Variants in SEPTIN9 observed in about 807,000 individuals in gnomAD.
The protein encoded by SEPTIN9 is septin 9.
In SEPTIN9, 13 loss-of-function variants were observed where a neutral mutation model predicts 56.6. The observed-to-expected ratio is 0.23, with a 90% CI of 0.15 to 0.37. The LOEUF is 0.37. SEPTIN9 is among the 10% of genes least tolerant of loss of function. The pLI, the probability that SEPTIN9 is intolerant of heterozygous loss-of-function variation, is 1.00. For missense variants in SEPTIN9, 650 were observed against 823.1 expected, an observed-to-expected ratio of 0.79 and a Z score of 2.57; for synonymous variants, 332 against 334.1, an observed-to-expected ratio of 0.99 and a Z score of 0.07.
chr17:77,419,502 C>T lies in SEPTIN9; in HGVS notation c.721+16799C>T, dbSNP rs116803477. ...ATCAGCAGCAGCCACCTCAGGGGAC[C>T]CCAGCGCTGTACCTGCGACCCAGCT... On this transcript the variant is annotated intron_variant, in intron 3 of 11. Coordinates refer to ENST00000427177, the MANE Select transcript of SEPTIN9 (RefSeq NM_001113491.2). 6.4e-3 allele frequency among the ~76,000 whole-genome samples: 976 copies of T among 152,246 alleles called. 13 individuals are homozygous for T. Among genetic ancestry groups the T allele is most frequent in the African/African-American group, 0.022 (927 of 41,550 alleles).
intron 2 of SEPTIN9, among the ~76,000 whole-genome samples, chr17:77,360,973 G>A (rs1023782566): frequency 6.8e-6 from 1 of 146,366 alleles, no homozygotes; most frequent in African/African-American, 2.6e-5. Flanking sequence ...CCCCAGGCTG[G>A]AGTGCAGTGG....
chr17:77,495,511 C>T (rs559355884), intron 10 of SEPTIN9, among the ~76,000 whole-genome samples: 3 of 152,310 alleles, frequency 2.0e-5, no homozygotes, highest in Non-Finnish European at 2.9e-5. Flanking sequence ...TAATTGATCA[C>T]GCCATGAACT....
At chr17:77,455,410 T>C (rs1234707295) in intron 3 of SEPTIN9, among the ~76,000 whole-genome samples, 2 of 152,228 alleles carry the variant, frequency 1.3e-5, no homozygotes, top group African/African-American at 4.8e-5. Flanking sequence ...CCCGCCCTGC[T>C]CTGTGGGTGC....
chr17:77,315,843 G>A (rs963509614), intron 2 of SEPTIN9, among the ~76,000 whole-genome samples: 4 of 152,232 alleles, frequency 2.6e-5, no homozygotes, highest in Non-Finnish European at 1.5e-5. Flanking sequence ...TCTATGGGGG[G>A]TGAAGGACAG....
chr17:77,403,263 G>A (rs2035963822), intron 3 of SEPTIN9, among the ~76,000 whole-genome samples: 1 of 152,216 alleles, frequency 6.6e-6, no homozygotes, highest in African/African-American at 2.4e-5. Flanking sequence ...CCCCCAGGAG[G>A]GATGGTTGTG....
chr17:77,366,891 A>G (rs2034587782), intron 2 of SEPTIN9, among the ~76,000 whole-genome samples: 1 of 152,208 alleles, frequency 6.6e-6, no homozygotes, highest in Non-Finnish European at 1.5e-5. Context: ...TTGGGAGATC[A>G]TGAATTTAGA....
intron 3 of SEPTIN9, among the ~76,000 whole-genome samples, chr17:77,422,142 G>A (rs1372269905): frequency 6.6e-6 from 1 of 152,210 alleles, no homozygotes; most frequent in Non-Finnish European, 1.5e-5. Flanking sequence ...CCAGGCATGA[G>A]CCATTGTGCT....
intron 10 of SEPTIN9, chr17:77,497,104 G>A (rs2040300726): frequency 1.6e-6 from 1 of 634,306 alleles, no homozygotes; most frequent in African/African-American, 2.0e-5. Context: ...GCAGGAGCTG[G>A]TGCTGGTCAC....
chr17:77,370,257 A>C (rs539835223), intron 2 of SEPTIN9, among the ~76,000 whole-genome samples: 17 of 152,022 alleles, frequency 1.1e-4, no homozygotes, highest in African/African-American at 3.6e-4. Context: ...TCCTCTGAAG[A>C]CTCCAGGGGA....
chr17:77,285,938 A>G (rs1353047525), intron 1 of SEPTIN9, among the ~76,000 whole-genome samples: 1 of 152,206 alleles, frequency 6.6e-6, no homozygotes, highest in East Asian at 1.9e-4. Context: ...CTCAGAGAAC[A>G]CTTCCCCAGT....
At chr17:77,386,435 C>A (rs942743186) in intron 2 of SEPTIN9, among the ~76,000 whole-genome samples, 10 of 152,180 alleles carry the variant, frequency 6.6e-5, no homozygotes, top group Non-Finnish European at 7.4e-5. Context: ...ATTGGCAGGC[C>A]AGGCTCCCGT....
Position 77,498,669 on chromosome 17 carries a change from GC to G in SEPTIN9, c.*14del. 1 of 1,550,288 alleles carries G rather than the reference GC, an allele frequency of 6.5e-7. No homozygotes were observed. The highest frequency in any genetic ancestry group is 8.7e-7 in the Non-Finnish European group (1 of 1,149,422). On this transcript the variant is annotated 3_prime_UTR_variant, in exon 12 of 12. Coordinates refer to ENST00000427177, the MANE Select transcript of SEPTIN9 (RefSeq NM_001113491.2). ...GCCCCGGAGATGTAGACGCCACCCT[GC>G]CCACCCCCGGGATCCTGCCCCCAAG...
chr17:77,330,007 G>A lies in SEPTIN9; in HGVS notation c.76+22810G>A, dbSNP rs1039532028. Among the ~76,000 whole-genome samples, 15 of 152,252 alleles carry A rather than the reference G, an allele frequency of 9.9e-5. No homozygotes were observed. The highest frequency in any genetic ancestry group is 3.6e-4 in the African/African-American group (15 of 41,554). On this transcript the variant is annotated intron_variant, in intron 2 of 11. Coordinates refer to ENST00000427177, the MANE Select transcript of SEPTIN9 (RefSeq NM_001113491.2). This position sits in a 1 kb window ranked among gnomAD's most constrained non-coding sequence, Gnocchi z 4.4. ...GCAACACAGTCGAGCTGCAGCCCCC[G>A]CTCCATCCCCAGCTGGGGCTCCCTG... is the stretch of plus-strand genomic sequence containing the variant.
intron 3 of SEPTIN9, among the ~76,000 whole-genome samples, chr17:77,439,376 C>A (rs2037464740): frequency 6.6e-6 from 1 of 152,118 alleles, no homozygotes; most frequent in Non-Finnish European, 1.5e-5. Flanking sequence ...CTGGGGGCCC[C>A]AGGGACCAGA....
intron 2 of SEPTIN9, among the ~76,000 whole-genome samples, chr17:77,348,399 A>G (rs2033956141): frequency 1.3e-5 from 2 of 148,522 alleles, no homozygotes; most frequent in Admixed American, 6.8e-5. Flanking sequence ...CCTGGGTTCA[A>G]GTGATTCTCC....
At chr17:77,443,861 T>C (rs2037639092) in intron 3 of SEPTIN9, among the ~76,000 whole-genome samples, 2 of 152,044 alleles carry the variant, frequency 1.3e-5, no homozygotes, top group African/African-American at 4.8e-5. Flanking sequence ...TTGTGGAAAG[T>C]TGCAACTTGA....
chr17:77,351,775 C>A (rs1266723933), intron 2 of SEPTIN9, among the ~76,000 whole-genome samples: 2 of 152,250 alleles, frequency 1.3e-5, no homozygotes, highest in African/African-American at 2.4e-5. Context: ...ACAGGTCCCC[C>A]AGGCTTGCCC....
intron 7 of SEPTIN9, among the ~76,000 whole-genome samples, chr17:77,490,516 C>G (rs751655551): frequency 6.6e-6 from 1 of 152,246 alleles, no homozygotes; most frequent in African/African-American, 2.4e-5. Flanking sequence ...GGCCCTGGCC[C>G]GCCTGGCCTG....
chr17:77,430,581 C>A (rs2037090704), intron 3 of SEPTIN9, among the ~76,000 whole-genome samples: 2 of 152,202 alleles, frequency 1.3e-5, no homozygotes, highest in Admixed American at 1.3e-4. Flanking sequence ...GGAAAAGAAG[C>A]CAGATCCTAG....
Sources: allele counts gnomAD v4.1 joint callset (sites outside exome capture counted in the v4.1 genomes callset), GRCh38; gene constraint gnomAD v4.1.1; non-coding constraint Gnocchi (gnomAD v3.1); transcripts MANE v1.5; gene names NCBI Gene and HGNC (gene_info 2026-07-23, HGNC 2026-07-21).